The following SLF2 variants were observed in gnomAD, a reference collection of about 807,000 sequenced individuals.
The protein encoded by SLF2 is SMC5-SMC6 complex localization factor protein 2.
A neutral mutation model predicts 124.3 loss-of-function variants in SLF2; 68 were observed. The ratio of observed to expected loss-of-function variants is 0.55; its 90% CI spans 0.45 to 0.67. The LOEUF (loss-of-function observed/expected upper bound fraction) is 0.67, where lower values mean the gene tolerates loss of function less well. Among genes scored for constraint, SLF2 ranks in the 30% least tolerant of loss-of-function variants. SLF2 has a pLI of 0.00. For synonymous variants in SLF2, 480 were observed against 478.8 expected, an observed-to-expected ratio of 1.00 and a Z score of -0.03; for missense variants, 1,246 against 1,373.7, an observed-to-expected ratio of 0.91 and a Z score of 1.47.
intron 1 of SLF2, among the ~76,000 whole-genome samples, chr10:100,915,354 A>G (rs1168998556): frequency 6.6e-6 from 1 of 152,182 alleles, no homozygotes; most frequent in Non-Finnish European, 1.5e-5. Context: ...TTAATGTATA[A>G]AGAGGGTAGC....
rs1245872908 is a variant in SLF2, at chr10:100,938,575, T to C, written c.2513-20T>C. On this transcript the variant is annotated intron_variant, in intron 10 of 19. Transcript: ENST00000238961. ...TGTAGACCACAGATTTAGAATGAAA[T>C]GTTTTCTTCTGTTAATTAGATACCT... 6.3e-7 allele frequency: 1 copy of C among 1,596,558 alleles called. No homozygotes were observed. Among genetic ancestry groups the C allele is most frequent in the Non-Finnish European group, 8.5e-7 (1 of 1,173,664 alleles).
At chr10:100,919,001 CTTTTT>C (rs528512219) in intron 4 of SLF2, among the ~76,000 whole-genome samples, 2 of 105,710 alleles carry the variant, frequency 1.9e-5, no homozygotes, top group Non-Finnish European at 3.5e-5. Context: ...GAAACATAAT[CTTTTT>C]TTTTTTTTTT....
chr10:100,924,297 G>A lies in SLF2; in HGVS notation c.1296G>A (p.Lys432=). 1 of 1,614,094 alleles carries A rather than the reference G, an allele frequency of 6.2e-7. No homozygotes were observed. The highest frequency in any genetic ancestry group is 8.5e-7 in the Non-Finnish European group (1 of 1,180,016). The change falls in exon 5 of 20, where the codon AAG becomes AAA. Residue 432 remains lysine (K), a synonymous_variant. Coordinates refer to ENST00000238961, the MANE Select transcript of SLF2 (RefSeq NM_018121.4). ...ACCAAATCCAAGTGGCAGGTACCAAGGAGACTAAGATGCAGAAACCCCACT... is the reference window on the plus strand; with the variant it reads ...ACCAAATCCAAGTGGCAGGTACCAAAGAGACTAAGATGCAGAAACCCCACT... The part of the protein sequence containing the change: ...NSDQIQVAGT[K]ETKMQKPHLP...
In SLF2 at chr10:100,938,676, A is replaced by AT; in HGVS notation, c.2598dup (p.Arg867Ter). On this transcript the variant is annotated frameshift_variant, in exon 11 of 20. Transcript: ENST00000238961. LOFTEE classifies it high-confidence loss of function. ...GCTGTGTTTTTCAATATGGGGATTG[A>AT]TTTTAGATCTTTGTTTCCCCTGGAG... 1 of 1,613,550 alleles carries AT rather than the reference A, an allele frequency of 6.2e-7. No individual in the cohort carries two copies. Among genetic ancestry groups the AT allele is most frequent in the Non-Finnish European group, 8.5e-7 (1 of 1,179,852 alleles).
chr10:100,950,795 T>G, intron 17 of SLF2, 42 bp downstream of exon 17: 1 of 1,458,502 alleles, frequency 6.9e-7, no homozygotes, highest in Non-Finnish European at 9.6e-7. Context: ...TTTAAATAGG[T>G]GTTACTGATG....
intron 17 of SLF2, among the ~76,000 whole-genome samples, chr10:100,951,042 A>G (rs544385662): frequency 4.6e-5 from 7 of 152,330 alleles, no homozygotes; most frequent in Non-Finnish European, 8.8e-5. Context: ...GGAGTTCAAG[A>G]CCAGCCTGGC....
intron 11 of SLF2, among the ~76,000 whole-genome samples, chr10:100,940,599 C>A (rs1205573420): frequency 6.6e-6 from 1 of 152,018 alleles, no homozygotes; most frequent in Non-Finnish European, 1.5e-5. Flanking sequence ...TGAGCTCAGG[C>A]GATCCGCCGG....
intron 6 of SLF2, among the ~76,000 whole-genome samples, chr10:100,928,334 T>C (rs557969500): frequency 6.6e-6 from 1 of 152,122 alleles, no homozygotes; most frequent in Admixed American, 6.5e-5. Flanking sequence ...TTCAGATGAT[T>C]AGTAGTTCAA....
chr10:100,927,175 C>T lies in SLF2; in HGVS notation c.2042+1156C>T, dbSNP rs142383096. Reference sequence around the variant, plus strand: ...TTAAGTAAATTTATATGTTGTGCAACCATTATCACCATCTAGCTACAGAAC... The same window carrying T: ...TTAAGTAAATTTATATGTTGTGCAATCATTATCACCATCTAGCTACAGAAC... On this transcript the variant is annotated intron_variant, in intron 6 of 19. Transcript: ENST00000238961. Among the ~76,000 whole-genome samples the T allele has an allele frequency of 9.6e-3, 1,462 of 152,054 alleles. 24 individuals carry two copies. Among genetic ancestry groups the T allele is most frequent in the African/African-American group, 0.032 (1,335 of 41,420 alleles).
intron 18 of SLF2, among the ~76,000 whole-genome samples, chr10:100,957,428 G>A (rs1016277628): frequency 1.7e-4 from 22 of 131,886 alleles, no homozygotes; most frequent in African/African-American, 6.0e-4. Flanking sequence ...TCGACTCACT[G>A]CAACCCCCGC....
rs1223585979 is a variant in SLF2, at chr10:100,963,995, G to C, written c.*2083G>C. 6.6e-6 allele frequency: 1 copy of C among 152,502 alleles called. No homozygotes were observed. Among genetic ancestry groups the C allele is most frequent in the Admixed American group, 6.5e-5 (1 of 15,276 alleles). 9.4% of individuals were successfully genotyped at this position (152,502 alleles called of 1,614,324 possible). ...TTAGGCCCTTGTATTTATGACTCTG[G>C]TAGAGGTCTTCAGACTCCAGGTCAT... On this transcript the variant is annotated 3_prime_UTR_variant, in exon 20 of 20. Transcript: ENST00000238961.
intron 16 of SLF2, among the ~76,000 whole-genome samples, 173 bp downstream of exon 16, chr10:100,950,380 TA>T (rs1374928685): frequency 5.3e-5 from 8 of 152,252 alleles, no homozygotes; most frequent in African/African-American, 1.9e-4. Context: ...AATTCTTCCA[TA>T]AATTTGAGAG....
At position 100,963,989 on chromosome 10, in the gene SLF2, ACT is replaced by A. The variant is rs1041722309; in HGVS notation, c.*2080_*2081del. On this transcript the variant is annotated 3_prime_UTR_variant, in exon 20 of 20. Transcript: ENST00000238961. ...CTCAGTTTAGGCCCTTGTATTTATG[ACT>A]CTGGTAGAGGTCTTCAGACTCCAGG... is the stretch of plus-strand genomic sequence containing the variant. The A allele has an allele frequency of 6.6e-6, 1 of 152,544 alleles. No homozygotes were observed. The highest frequency in any genetic ancestry group is 2.4e-5 in the African/African-American group (1 of 41,414). The allele number at this position is 152,544 out of a possible 1,614,324, so 9.4% of individuals were successfully genotyped here.
rs183748355 is a variant in SLF2 at position 100,953,271 on chromosome 10, C to T, written c.3330+2518C>T. 4.7e-3 allele frequency among the ~76,000 whole-genome samples: 710 copies of T among 151,704 alleles called. 6 individuals carry two copies. The highest frequency in any genetic ancestry group is 0.016 in the African/African-American group (682 of 41,492). ...TCCTGACCTTGTGATCCGCCCACCT[C>T]GGCCTCCCAAAGTGCTGGGATTACA... On this transcript the variant is annotated intron_variant, in intron 17 of 19. Coordinates refer to ENST00000238961, the MANE Select transcript of SLF2 (RefSeq NM_018121.4).
intron 18 of SLF2, among the ~76,000 whole-genome samples, chr10:100,958,178 G>C (rs796500806): frequency 2.0e-5 from 3 of 152,148 alleles, no homozygotes; most frequent in African/African-American, 7.2e-5. Flanking sequence ...TCTTGTCTTT[G>C]GATAGTCATT....
intron 6 of SLF2, chr10:100,926,288 G>A (rs1448142929): frequency 2.0e-6 from 3 of 1,473,620 alleles, no homozygotes; most frequent in Non-Finnish European, 2.7e-6. Flanking sequence ...CAGCCTGGGT[G>A]GCAGAGTGAG....
At chr10:100,939,950 A>T (rs536093640) in intron 11 of SLF2, among the ~76,000 whole-genome samples, 1 of 152,324 alleles carries the variant, frequency 6.6e-6, no homozygotes, top group East Asian at 1.9e-4. Flanking sequence ...TTTCAGCTAG[A>T]GACTATGTTT....
chr10:100,961,335 T>C (rs1189691399), intron 19 of SLF2, among the ~76,000 whole-genome samples: 1 of 152,174 alleles, frequency 6.6e-6, no homozygotes, highest in Non-Finnish European at 1.5e-5. Flanking sequence ...TAGCAAGTTA[T>C]CAGATTGATG....
chr10:100,920,713 G>A (rs959609319), intron 4 of SLF2, among the ~76,000 whole-genome samples: 1 of 152,196 alleles, frequency 6.6e-6, no homozygotes, highest in African/African-American at 2.4e-5. Context: ...ACTTTGGGAG[G>A]CCAAGGCAGA....
Sources: gnomAD v4.1 joint callset for allele counts (sites outside exome capture counted in the v4.1 genomes callset) on GRCh38, gnomAD v4.1.1 for gene constraint, MANE v1.5 for transcripts, NCBI Gene and HGNC (gene_info 2026-07-23, HGNC 2026-07-21) for gene names.